Variants in CAMTA1 observed in about 807,000 individuals in gnomAD.
CAMTA1 encodes calmodulin-binding transcription activator 1.
CAMTA1 carries 27 observed loss-of-function variants against 170.9 expected under a neutral mutation model. The observed-to-expected ratio is 0.16, with a 90% CI of 0.12 to 0.22. The LOEUF (loss-of-function observed/expected upper bound fraction) is 0.22. CAMTA1 is among the 10% of genes least tolerant of loss of function. The probability of loss-of-function intolerance (pLI) is 1.00; values close to 1 mark genes in which losing one functional copy is unlikely to be tolerated. For missense variants in CAMTA1, 1,619 were observed against 2,217.2 expected (o/e 0.73, Z 5.42); for synonymous variants, 833 against 891.5 (o/e 0.93, Z 1.17).
rs1220064344 is a variant in CAMTA1 at position 7,443,002 on chromosome 1, C to T, written c.439-24828C>T. On this transcript the variant is annotated intron_variant, in intron 5 of 22. Transcript: ENST00000303635. This position sits in a 1 kb window ranked among gnomAD's most constrained non-coding sequence, Gnocchi z 4.1. ...CCTGGACTCAGGATGTCCTTTCCAT[C>T]CCTGTCTTTGAACACTTCTTCCTGC... is the stretch of plus-strand genomic sequence containing the variant. Among the ~76,000 whole-genome samples, 1 of 151,748 alleles carries T rather than the reference C, an allele frequency of 6.6e-6. No individual in the cohort carries two copies. The highest frequency in any genetic ancestry group is 1.9e-4 in the East Asian group (1 of 5,186).
intron 3 of CAMTA1, among the ~76,000 whole-genome samples, chr1:6,870,124 A>G (rs911041802): frequency 6.6e-6 from 1 of 152,202 alleles, no homozygotes; most frequent in Admixed American, 6.5e-5. Context: ...GACTCGTGTT[A>G]CACTACTCGC....
At chr1:6,900,944 A>G (rs1162799620) in intron 3 of CAMTA1, among the ~76,000 whole-genome samples, 2 of 152,232 alleles carry the variant, frequency 1.3e-5, no homozygotes, top group Non-Finnish European at 2.9e-5. Flanking sequence ...AGAAAGACCA[A>G]AGCAGCTTTG....
At chr1:6,961,069 G>A (rs1308067888) in intron 3 of CAMTA1, among the ~76,000 whole-genome samples, 3 of 152,178 alleles carry the variant, frequency 2.0e-5, no homozygotes, top group Non-Finnish European at 4.4e-5. Context: ...TGTAGCTACA[G>A]ATTGTATATA....
At position 7,738,360 on chromosome 1, in the gene CAMTA1, C is replaced by T. The variant is rs372261959; in HGVS notation, c.4060C>T (p.Arg1354Cys). The change falls in exon 16 of 23, where the codon CGT (arginine) becomes TGT (cysteine). Residue 1354 changes from arginine to cysteine, a missense_variant. Around this residue, in one of 8 missense-constraint regions of CAMTA1, gnomAD observed 370 missense variants for 429.4 expected, o/e 0.86. Transcript: ENST00000303635. This position sits in a 1 kb window ranked among gnomAD's most constrained non-coding sequence, Gnocchi z 4.9. ...AAAGGAGGCAGCACCTTCACAGGTG[C>T]GTCCACGGGAACCAATGAGTGTCCT... Reference protein sequence around the residue: ...VGKEAAPSQVRPREPMSVLMM... With the variant: ...VGKEAAPSQVCPREPMSVLMM... The T allele has an allele frequency of 3.7e-5, 60 of 1,614,032 alleles. No homozygotes were observed. The highest frequency in any genetic ancestry group is 2.5e-4 in the Admixed American group (15 of 60,004).
rs146266320 is a variant in CAMTA1, at chr1:7,417,799, G to A, written c.439-50031G>A. ...ACCCACTGTCCTGCACCCACCGTCC[G>A]GCACTCCCTAGTGAGATGAGCCTGG... On this transcript the variant is annotated intron_variant, in intron 5 of 22. Coordinates refer to ENST00000303635, the MANE Select transcript of CAMTA1 (RefSeq NM_015215.4). Among the ~76,000 whole-genome samples, 1,409 of 152,236 alleles carry A rather than the reference G, an allele frequency of 9.3e-3. 22 individuals carry two copies. The highest frequency in any genetic ancestry group is 0.032 in the African/African-American group (1,324 of 41,524).
chr1:7,267,047 G>A (rs1202634401), intron 5 of CAMTA1, among the ~76,000 whole-genome samples: 3 of 152,216 alleles, frequency 2.0e-5, no homozygotes, highest in Non-Finnish European at 4.4e-5. Flanking sequence ...TTTATGCTGA[G>A]TGATGCTGGA....
chr1:6,937,569 CCACTTACCACCACCATCGT>C (rs1463475432), intron 3 of CAMTA1, among the ~76,000 whole-genome samples: 1 of 58,068 alleles, frequency 1.7e-5, no homozygotes, highest in African/African-American at 6.4e-5. Flanking sequence ...TCACCATTCA[CCACTTACCACCACCATCGT>C]CACCATCACC....
At chr1:6,902,903 AG>A (rs1416175622) in intron 3 of CAMTA1, among the ~76,000 whole-genome samples, 1 of 152,234 alleles carries the variant, frequency 6.6e-6, no homozygotes, top group East Asian at 1.9e-4. Context: ...CTTGATTGGC[AG>A]GTTTTCTTTC....
At chr1:7,164,554 C>T (rs970102534) in intron 4 of CAMTA1, among the ~76,000 whole-genome samples, 1 of 152,354 alleles carries the variant, frequency 6.6e-6, no homozygotes, top group East Asian at 1.9e-4. Context: ...GTCTTGGGGT[C>T]TATGCCCGTG....
intron 5 of CAMTA1, among the ~76,000 whole-genome samples, chr1:7,425,235 G>A (rs1041765862): frequency 2.0e-5 from 3 of 152,210 alleles, no homozygotes; most frequent in Non-Finnish European, 2.9e-5. Context: ...AAGAGGCTCA[G>A]AGAAGGTGCA....
chr1:7,645,434 G>A (rs1305153974), intron 7 of CAMTA1, among the ~76,000 whole-genome samples: 3 of 152,264 alleles, frequency 2.0e-5, no homozygotes, highest in African/African-American at 7.2e-5. Flanking sequence ...TTCCCAGCAA[G>A]CTGTTGGTGA....
At chr1:7,327,923 C>T (rs999648836) in intron 5 of CAMTA1, among the ~76,000 whole-genome samples, 49 of 152,088 alleles carry the variant, frequency 3.2e-4, no homozygotes, top group African/African-American at 1.1e-3. Flanking sequence ...GCTGAATATA[C>T]AGTTTCAGGT....
intron 3 of CAMTA1, among the ~76,000 whole-genome samples, chr1:7,054,422 G>A (rs6701424): frequency 0.65 from 99,408 of 152,160 alleles, 32,668 homozygotes; most frequent in Non-Finnish European, 0.69. Flanking sequence ...GCACATCTTC[G>A]CCTTTTTTTG....
intron 5 of CAMTA1, among the ~76,000 whole-genome samples, chr1:7,269,088 G>A (rs1369663430): frequency 6.6e-6 from 1 of 152,234 alleles, no homozygotes; most frequent in African/African-American, 2.4e-5. Context: ...TGATCTCACA[G>A]TTTCTGAGGG....
chr1:7,401,898 T>C (rs992456091), intron 5 of CAMTA1, among the ~76,000 whole-genome samples: 30 of 152,264 alleles, frequency 2.0e-4, no homozygotes, highest in African/African-American at 7.0e-4. Flanking sequence ...GCTGTTTCCT[T>C]AGCAGCAGGA....
Position 6,918,274 on chromosome 1 carries a change from T to A in CAMTA1, c.234+93064T>A, listed in dbSNP as rs1557824517. Among the ~76,000 whole-genome samples the A allele has an allele frequency of 6.6e-6, 1 of 152,160 alleles. No homozygotes were observed. The highest frequency in any genetic ancestry group is 1.5e-5 in the Non-Finnish European group (1 of 68,016). ...TCTGGAGAGTACTGAAGAAGAATAA[T>A]ATTTTTTTAATCTAAAAGAACTTTA... On this transcript the variant is annotated intron_variant, in intron 3 of 22. Coordinates refer to ENST00000303635, the MANE Select transcript of CAMTA1 (RefSeq NM_015215.4). The surrounding 1 kb of genome is among the most constrained non-coding windows in gnomAD (Gnocchi z 4.0).
rs1026273213 is a variant in CAMTA1 at position 7,299,932 on chromosome 1, C to T, written c.438+50306C>T. ...GGGGCCCGTGCAACCAGAGGTGCCCCGAAAGCTTAAGTGTCATTGACTTCC... is the reference window on the plus strand; with the variant it reads ...GGGGCCCGTGCAACCAGAGGTGCCCTGAAAGCTTAAGTGTCATTGACTTCC... On this transcript the variant is annotated intron_variant, in intron 5 of 22. Coordinates refer to ENST00000303635, the MANE Select transcript of CAMTA1 (RefSeq NM_015215.4). The surrounding 1 kb of genome is among the most constrained non-coding windows in gnomAD (Gnocchi z 4.7). 4.6e-5 allele frequency among the ~76,000 whole-genome samples: 7 copies of T among 152,118 alleles called. No individual in the cohort carries two copies. Among genetic ancestry groups the T allele is most frequent in the African/African-American group, 1.2e-4 (5 of 41,416 alleles).
chr1:7,651,384 C>T (rs1040451181), intron 7 of CAMTA1, among the ~76,000 whole-genome samples: 7 of 152,288 alleles, frequency 4.6e-5, no homozygotes, highest in African/African-American at 1.7e-4. Flanking sequence ...CAGCAGGTGC[C>T]GCCTGTACAG....
rs546640392 is a variant in CAMTA1 at position 7,007,881 on chromosome 1, C to CT, written c.235-83422dup. Among the ~76,000 whole-genome samples the CT allele has an allele frequency of 6.7e-4, 102 of 152,312 alleles. No homozygotes were observed. The highest frequency in any genetic ancestry group is 6.8e-3 in the Middle Eastern group (2 of 294). ...CTCAATGGTTGTAAACTGTATCCAC[C>CT]TACAAAGCCCCTAGAGCTTGTGAGA... On this transcript the variant is annotated intron_variant, in intron 3 of 22. Coordinates refer to ENST00000303635, the MANE Select transcript of CAMTA1 (RefSeq NM_015215.4). The surrounding 1 kb of genome is among the most constrained non-coding windows in gnomAD (Gnocchi z 4.5).
Sources: allele counts gnomAD v4.1 joint callset (sites outside exome capture counted in the v4.1 genomes callset), GRCh38; gene constraint gnomAD v4.1.1; regional missense constraint gnomAD v4.1.1; non-coding constraint Gnocchi (gnomAD v3.1); transcripts MANE v1.5; gene names NCBI Gene and HGNC (gene_info 2026-07-23, HGNC 2026-07-21).